The following RNF38 variants were observed in gnomAD, a reference collection of about 807,000 sequenced individuals.
RNF38 encodes ring finger protein 38, also known as E3 ubiquitin-protein ligase RNF38.
RNF38 carries 15 observed loss-of-function variants against 67.2 expected under a neutral mutation model. The observed-to-expected ratio is 0.22, with a 90% CI of 0.15 to 0.34. The LOEUF is 0.34. RNF38 is among the 10% of genes least tolerant of loss of function. The probability of loss-of-function intolerance (pLI) is 1.00; values close to 1 mark genes in which losing one functional copy is unlikely to be tolerated. For synonymous variants in RNF38, 220 were observed against 218.8 expected, an observed-to-expected ratio of 1.01 and a Z score of -0.05; for missense variants, 524 against 639.9, an observed-to-expected ratio of 0.82 and a Z score of 1.95.
chr9:36,394,923 C>G (rs1336103494), intron 1 of RNF38, among the ~76,000 whole-genome samples: 1 of 152,162 alleles, frequency 6.6e-6, no homozygotes, highest in Admixed American at 6.5e-5. Flanking sequence ...GATTTGCTAA[C>G]TCTGGCTTTC....
At chr9:36,457,049 C>T (rs974898512) in intron 1 of RNF38, among the ~76,000 whole-genome samples, 3 of 152,066 alleles carry the variant, frequency 2.0e-5, no homozygotes, top group African/African-American at 7.2e-5. Context: ...GATTATCATG[C>T]AATAAAGTAT....
At chr9:36,401,144 C>A (rs1436094793), upstream of RNF38, 4 of 984,918 alleles carry the variant, frequency 4.1e-6, no homozygotes, top group African/African-American at 7.0e-5. Flanking sequence ...CTCCCTTTTC[C>A]CCCAGGCTCC....
chr9:36,400,139 T>C lies in RNF38; in HGVS notation c.-31A>G, dbSNP rs754882232. On this transcript the variant is annotated 5_prime_UTR_variant, in exon 1 of 12. Coordinates refer to ENST00000259605, the MANE Select transcript of RNF38 (RefSeq NM_022781.5). ...CGTAAACAAAAACTTTATTTCTTTT[T>C]GGACCTCAATAACCTGAAACACTCC... 1 of 1,611,844 alleles carries C rather than the reference T, an allele frequency of 6.2e-7. No homozygotes were observed. The highest frequency in any genetic ancestry group is 1.1e-5 in the South Asian group (1 of 90,926).
upstream of RNF38, among the ~76,000 whole-genome samples, chr9:36,403,396 G>A (rs1838105710): frequency 6.6e-6 from 1 of 152,240 alleles, no homozygotes; most frequent in Admixed American, 6.5e-5. Flanking sequence ...CACTTGAAAT[G>A]TGGCTAGTCC....
At chr9:36,381,601 T>C (rs1304575530) in intron 2 of RNF38, among the ~76,000 whole-genome samples, 2 of 152,238 alleles carry the variant, frequency 1.3e-5, no homozygotes, top group East Asian at 3.8e-4. Context: ...GACTTTCTTA[T>C]AAGATTCCCT....
intron 1 of RNF38, among the ~76,000 whole-genome samples, chr9:36,470,010 T>C (rs1163637153): frequency 6.6e-6 from 1 of 151,900 alleles, no homozygotes; most frequent in Non-Finnish European, 1.5e-5. Flanking sequence ...GAAATAATGC[T>C]CAAGAAGCCA....
At chr9:36,423,154 T>A (rs7038193) in intron 2 of RNF38, among the ~76,000 whole-genome samples, 82,121 of 152,050 alleles carry the variant, frequency 0.54, 23,330 homozygotes, top group Non-Finnish European at 0.65. Context: ...TATACAAAAT[T>A]TTCTGTAGCC....
intron 2 of RNF38, among the ~76,000 whole-genome samples, chr9:36,383,711 G>C (rs1357866874): frequency 6.6e-6 from 1 of 151,974 alleles, no homozygotes; most frequent in Non-Finnish European, 1.5e-5. Context: ...ATATAGAAGA[G>C]GCTCTGAATG....
chr9:36,372,071 C>T (rs1482176261), intron 3 of RNF38, among the ~76,000 whole-genome samples: 1 of 152,014 alleles, frequency 6.6e-6, no homozygotes, highest in Admixed American at 6.6e-5. Context: ...GCTGGGACTA[C>T]AGGCGTCTGC....
chr9:36,358,045 C>T (rs541062052), intron 4 of RNF38, 103 bp from the exon 5 acceptor site: 37 of 851,358 alleles, frequency 4.3e-5, no homozygotes, highest in Middle Eastern at 2.8e-4. Flanking sequence ...CTCAGCTACA[C>T]GGATTTTCAC....
chr9:36,428,211 T>C (rs1838837991), intron 1 of RNF38, among the ~76,000 whole-genome samples: 1 of 151,976 alleles, frequency 6.6e-6, no homozygotes, highest in Admixed American at 6.6e-5. Context: ...GGTCAGGAGA[T>C]GGAGACCATC....
chr9:36,391,999 A>C (rs1283696055), intron 1 of RNF38, among the ~76,000 whole-genome samples: 1 of 152,230 alleles, frequency 6.6e-6, no homozygotes, highest in Non-Finnish European at 1.5e-5. Context: ...AACGCTAGGC[A>C]CTAGGTGCTA....
chr9:36,422,440 A>C (rs1266638282), intron 2 of RNF38, among the ~76,000 whole-genome samples: 4 of 151,880 alleles, frequency 2.6e-5, no homozygotes, highest in African/African-American at 9.7e-5. Flanking sequence ...AAAAAAAAAA[A>C]AACAGGAGAG....
At chr9:36,418,717 C>T (rs1032605632) in intron 2 of RNF38, among the ~76,000 whole-genome samples, 3 of 151,602 alleles carry the variant, frequency 2.0e-5, no homozygotes, top group Admixed American at 6.6e-5. Flanking sequence ...ACCTGGGAGG[C>T]GGAGGTTGCA....
At chr9:36,362,170 A>G (rs2133658981) in intron 4 of RNF38, among the ~76,000 whole-genome samples, 1 of 152,252 alleles carries the variant, frequency 6.6e-6, no homozygotes, top group Non-Finnish European at 1.5e-5. Flanking sequence ...CAGCCTGGTC[A>G]ACACAGTGAA....
intron 1 of RNF38, among the ~76,000 whole-genome samples, chr9:36,459,720 T>G (rs970350875): frequency 6.6e-6 from 1 of 152,158 alleles, no homozygotes; most frequent in South Asian, 2.1e-4. Flanking sequence ...CTACCACCAC[T>G]AAATACTATT....
At chr9:36,412,834 AG>A (rs1200192657) in intron 2 of RNF38, among the ~76,000 whole-genome samples, 1 of 152,000 alleles carries the variant, frequency 6.6e-6, no homozygotes. Flanking sequence ...GCACTTTGGG[AG>A]GCCAAGGCGG....
chr9:36,430,846 T>TA (rs11285700), intron 1 of RNF38, among the ~76,000 whole-genome samples: 84 of 144,392 alleles, frequency 5.8e-4, no homozygotes, highest in East Asian at 3.2e-3. Context: ...TAATGAGGAT[T>TA]AAAAAAAAAA....
At chr9:36,465,830 C>CACGA (rs1434669703) in intron 1 of RNF38, among the ~76,000 whole-genome samples, 2 of 152,024 alleles carry the variant, frequency 1.3e-5, no homozygotes, top group African/African-American at 4.8e-5. Flanking sequence ...GCGGGTGGAT[C>CACGA]ACGAGGTCAG....
Sources: gnomAD v4.1 joint callset for allele counts (sites outside exome capture counted in the v4.1 genomes callset) on GRCh38, gnomAD v4.1.1 for gene constraint, MANE v1.5 for transcripts, NCBI Gene and HGNC (gene_info 2026-07-23, HGNC 2026-07-21) for gene names.